Variants in INPP4B observed in about 807,000 individuals in gnomAD.
INPP4B encodes inositol polyphosphate-4-phosphatase type II B.
INPP4B carries 55 observed loss-of-function variants against 122.5 expected under a neutral mutation model. The observed-to-expected ratio is 0.45, with a 90% CI of 0.36 to 0.56. The LOEUF (loss-of-function observed/expected upper bound fraction) is 0.56. Ranked by LOEUF, INPP4B falls within the 20% of genes least tolerant of loss-of-function variation. INPP4B has a pLI of 0.00. For missense variants in INPP4B, 1,000 were observed against 1,097.7 expected (o/e 0.91, Z 1.26); for synonymous variants, 403 against 388.7 (o/e 1.04, Z -0.43).
chr4:142,091,259 G>A (rs1363943115), intron 23 of INPP4B, among the ~76,000 whole-genome samples: 1 of 152,152 alleles, frequency 6.6e-6, no homozygotes, highest in African/African-American at 2.4e-5. Context: ...ACAGCACTGA[G>A]CCAAGATTCC....
chr4:142,710,268 T>A (rs2150792002), intron 2 of INPP4B, among the ~76,000 whole-genome samples: 1 of 152,338 alleles, frequency 6.6e-6, no homozygotes, highest in Non-Finnish European at 1.5e-5. Flanking sequence ...TGGATTAGCT[T>A]TCCTATTGAT....
At chr4:142,042,508 A>ATG (rs368600069) in intron 25 of INPP4B, among the ~76,000 whole-genome samples, 126 of 142,416 alleles carry the variant, frequency 8.8e-4, no homozygotes, top group African/African-American at 2.9e-3. Context: ...CTGCCAATTT[A>ATG]TGTGTGTGTG....
intron 2 of INPP4B, among the ~76,000 whole-genome samples, chr4:142,681,286 A>G (rs1758582142): frequency 1.3e-5 from 2 of 151,788 alleles, no homozygotes; most frequent in South Asian, 2.1e-4. Context: ...TCTGAAGTCA[A>G]TGTCGTTTCC....
chr4:142,828,657 A>G (rs1781736538), intron 1 of INPP4B, among the ~76,000 whole-genome samples: 1 of 152,184 alleles, frequency 6.6e-6, no homozygotes, highest in Non-Finnish European at 1.5e-5. Context: ...AAATGAACAT[A>G]AACTCAAGAA....
chr4:142,065,203 A>C (rs1762871995), intron 25 of INPP4B, among the ~76,000 whole-genome samples: 4 of 150,378 alleles, frequency 2.7e-5, no homozygotes, highest in African/African-American at 7.3e-5. Flanking sequence ...GTGCAAGAGT[A>C]ATGTCATAAA....
intron 2 of INPP4B, among the ~76,000 whole-genome samples, chr4:142,568,368 T>G (rs1732098881): frequency 6.6e-6 from 1 of 152,154 alleles, no homozygotes; most frequent in South Asian, 2.1e-4. Context: ...AAGGCTTGAA[T>G]CACCCAGATA....
chr4:142,648,769 A>C (rs1244947542), intron 2 of INPP4B, among the ~76,000 whole-genome samples: 3 of 152,260 alleles, frequency 2.0e-5, no homozygotes, highest in Admixed American at 6.5e-5. Flanking sequence ...AAAAGGCAGC[A>C]GACAGCTTCT....
intron 1 of INPP4B, among the ~76,000 whole-genome samples, chr4:142,844,636 A>G (rs1194049301): frequency 6.6e-6 from 1 of 152,212 alleles, no homozygotes; most frequent in Non-Finnish European, 1.5e-5. Context: ...GAGAGGATGC[A>G]TTTCTGTGCA....
At chr4:142,318,834 G>A (rs1296617797) in intron 7 of INPP4B, among the ~76,000 whole-genome samples, 1 of 152,154 alleles carries the variant, frequency 6.6e-6, no homozygotes, top group African/African-American at 2.4e-5. Flanking sequence ...ACTCTTTCAT[G>A]GAATTCCTAT....
intron 14 of INPP4B, among the ~76,000 whole-genome samples, chr4:142,194,729 T>G (rs1837439633): frequency 6.6e-6 from 1 of 152,204 alleles, no homozygotes; most frequent in Admixed American, 6.6e-5. Context: ...AAGTTACTGA[T>G]GGGAACCTGA....
chr4:142,123,458 G>T lies in INPP4B; in HGVS notation c.1894-43C>A, dbSNP rs529853743. The stretch of plus-strand genomic sequence containing the variant: ...ATGAGATTTACTGCAGTTAGCAAAC[G>T]TATTTGTTTTATTTTGAAATATTTT... On this transcript the variant is annotated intron_variant, in intron 19 of 25. Coordinates refer to ENST00000262992, the MANE Select transcript of INPP4B (RefSeq NM_001101669.3). 2.0e-5 allele frequency: 31 copies of T among 1,587,988 alleles called. No homozygotes were observed. In the South Asian group the frequency reaches 3.2e-4, roughly 16 times the overall value.
chr4:142,760,061 A>AC (rs1771100401), intron 1 of INPP4B, among the ~76,000 whole-genome samples: 1 of 152,022 alleles, frequency 6.6e-6, no homozygotes, highest in Admixed American at 6.6e-5. Flanking sequence ...TTTTTATGAT[A>AC]TTTTGCCTCA....
At chr4:142,797,367 A>G (rs1371583206) in intron 1 of INPP4B, among the ~76,000 whole-genome samples, 2 of 152,018 alleles carry the variant, frequency 1.3e-5, no homozygotes, top group Non-Finnish European at 2.9e-5. Context: ...TAAGATTGCA[A>G]AAAAAGCTTC....
At chr4:142,598,636 C>T (rs960717552) in intron 2 of INPP4B, among the ~76,000 whole-genome samples, 4 of 152,148 alleles carry the variant, frequency 2.6e-5, no homozygotes, top group Non-Finnish European at 4.4e-5. Flanking sequence ...ATTGCAGCCC[C>T]TAGGGCAAAG....
At chr4:142,806,403 A>T (rs1337628585) in intron 1 of INPP4B, among the ~76,000 whole-genome samples, 1 of 151,822 alleles carries the variant, frequency 6.6e-6, no homozygotes, top group African/African-American at 2.4e-5. Flanking sequence ...ACATTTTTTT[A>T]AAAAGAAACA....
At chr4:142,561,289 A>G (rs950844137) in intron 2 of INPP4B, among the ~76,000 whole-genome samples, 1 of 152,230 alleles carries the variant, frequency 6.6e-6, no homozygotes, top group African/African-American at 2.4e-5. Context: ...ACTTGAGATT[A>G]AAAAAATACT....
chr4:142,753,582 C>A (rs185748073), intron 1 of INPP4B, among the ~76,000 whole-genome samples: 53 of 152,022 alleles, frequency 3.5e-4, no homozygotes, highest in African/African-American at 1.2e-3. Flanking sequence ...AGGCTTACTG[C>A]GATCTAGGGA....
In INPP4B at chr4:142,265,759, C is replaced by T. The variant is rs903458103; in HGVS notation, c.615+4904G>A. Among the ~76,000 whole-genome samples the T allele has an allele frequency of 4.6e-5, 7 of 152,170 alleles. No homozygotes were observed. The East Asian group carries it at 7.7e-4, about 17-fold the overall frequency. On this transcript the variant is annotated intron_variant, in intron 10 of 25. Coordinates refer to ENST00000262992, the MANE Select transcript of INPP4B (RefSeq NM_001101669.3). ...TTTTAGTCAGCTTATGACTCACACA[C>T]GGTGTGTATTGCCACTGCCACCTCC...
chr4:142,037,804 A>G (rs1445588093), intron 25 of INPP4B, among the ~76,000 whole-genome samples: 1 of 152,176 alleles, frequency 6.6e-6, no homozygotes, highest in Non-Finnish European at 1.5e-5. Context: ...CTGTGTAAAA[A>G]TGGATATAAT....
Sources: gnomAD v4.1 joint callset for allele counts (sites outside exome capture counted in the v4.1 genomes callset) on GRCh38, gnomAD v4.1.1 for gene constraint, MANE v1.5 for transcripts, NCBI Gene and HGNC (gene_info 2026-07-23, HGNC 2026-07-21) for gene names.